MYBPHL: variants seen among roughly 807,000 people sequenced by gnomAD.
MYBPHL encodes the protein myosin-binding protein H-like.
In MYBPHL, 32 loss-of-function variants were observed where a neutral mutation model predicts 39.5. The observed-to-expected ratio is 0.81, with a 90% CI of 0.61 to 1.09. MYBPHL has a LOEUF of 1.09. MYBPHL is among the 50% of genes least tolerant of loss of function. MYBPHL has a pLI of 0.00. For missense variants in MYBPHL, 456 were observed against 460.2 expected (o/e 0.99, Z 0.08); for synonymous variants, 196 against 183.7 (o/e 1.07, Z -0.54).
intron 3 of MYBPHL, 81 bp downstream of exon 3, chr1:109,297,341 C>T (rs1010535645): frequency 2.9e-5 from 45 of 1,560,886 alleles, no homozygotes; most frequent in Non-Finnish European, 7.0e-6. Context: ...CGCAGCTTCC[C>T]CAGCTCTCTG....
In MYBPHL at chr1:109,297,637, C is replaced by T; in HGVS notation, c.235-20G>A. The T allele has an allele frequency of 2.5e-6, 4 of 1,604,588 alleles. No individual in the cohort carries two copies. The highest frequency in any genetic ancestry group is 3.4e-6 in the Non-Finnish European group (4 of 1,174,628). On this transcript the variant is annotated intron_variant, in intron 2 of 8. Transcript: ENST00000357155. ...CTTGCCCTGAGGAATGAGGGTAATG[C>T]TTTGAGCAGCCCCGAGAGGCTTCCT...
intron 8 of MYBPHL, 173 bp from the exon 9 acceptor site, chr1:109,292,761 G>A (rs2282292): frequency 8.5e-5 from 13 of 152,172 alleles, no homozygotes; most frequent in African/African-American, 3.1e-4. Context: ...ACCAGTGAGA[G>A]CCTTAAATAA....
chr1:109,305,728 A>C (rs1658444623), intron 1 of MYBPHL, among the ~76,000 whole-genome samples: 1 of 152,350 alleles, frequency 6.6e-6, no homozygotes, highest in East Asian at 1.9e-4. Flanking sequence ...TCTGCCCTTG[A>C]CATTCAAATA....
chr1:109,300,232 C>T (rs1226607310), intron 1 of MYBPHL, among the ~76,000 whole-genome samples: 5 of 152,204 alleles, frequency 3.3e-5, no homozygotes, highest in South Asian at 2.1e-4. Flanking sequence ...GCTGTGACGA[C>T]GTGCCTGGCA....
At chr1:109,303,518 C>T (rs926407729) in intron 1 of MYBPHL, among the ~76,000 whole-genome samples, 2 of 152,160 alleles carry the variant, frequency 1.3e-5, no homozygotes, top group African/African-American at 4.8e-5. Context: ...TTAATAGTGA[C>T]CACCACCTCC....
intron 1 of MYBPHL, among the ~76,000 whole-genome samples, chr1:109,299,576 G>A (rs959676225): frequency 2.0e-5 from 3 of 152,230 alleles, no homozygotes; most frequent in Non-Finnish European, 2.9e-5. Flanking sequence ...TCTCAAGGTC[G>A]CGAGACCTTT....
intron 1 of MYBPHL, among the ~76,000 whole-genome samples, chr1:109,305,787 C>G (rs1432528581): frequency 6.6e-6 from 1 of 152,252 alleles, no homozygotes; most frequent in Non-Finnish European, 1.5e-5. Flanking sequence ...CAGACAGAGT[C>G]TGCTGCACAA....
rs1477432046 is a variant in MYBPHL at position 109,298,199 on chromosome 1, C to G, written c.204G>C (p.Gly68=). 3.1e-6 allele frequency: 5 copies of G among 1,610,054 alleles called. No homozygotes were observed. The East Asian group carries it at 9.0e-5, about 29-fold the overall frequency. ...ATGGGATTAGTAGGTTCACTGTGTC[C>G]CCAACCTTCCGGATGTAGGTCTGCC... ...ALRQTYIRKV[G]DTVNLLIPFQ... Residue 68 remains glycine (G), a synonymous_variant, in exon 2 of 9, where the codon GGG becomes GGC. Coordinates refer to ENST00000357155, the MANE Select transcript of MYBPHL (RefSeq NM_001010985.3).
intron 6 of MYBPHL, 53 bp from the exon 7 acceptor site, chr1:109,295,350 T>C (rs1261730579): frequency 1.7e-5 from 26 of 1,525,472 alleles, no homozygotes; most frequent in Non-Finnish European, 2.3e-5. Flanking sequence ...TAAGAACCAA[T>C]AGTCTTTCTG....
chr1:109,299,946 C>T (rs1262896940), intron 1 of MYBPHL, among the ~76,000 whole-genome samples: 1 of 152,112 alleles, frequency 6.6e-6, no homozygotes, highest in Non-Finnish European at 1.5e-5. Context: ...TGAAGACGGG[C>T]GGATATGACT....
At chr1:109,294,122 G>C (rs1657969138) in intron 8 of MYBPHL, 84 bp downstream of exon 8, 1 of 925,284 alleles carries the variant, frequency 1.1e-6, no homozygotes, top group Non-Finnish European at 1.8e-6. Context: ...GAAAGGCTCA[G>C]GAATGCACCT....
intron 7 of MYBPHL, 24 bp from the exon 8 acceptor site, chr1:109,294,273 A>G: frequency 1.2e-6 from 2 of 1,607,272 alleles, no homozygotes; most frequent in Non-Finnish European, 1.7e-6. Flanking sequence ...GACATTTCTC[A>G]GTGTTAACAT....
At chr1:109,302,932 C>T (rs1157465854) in intron 1 of MYBPHL, among the ~76,000 whole-genome samples, 1 of 152,216 alleles carries the variant, frequency 6.6e-6, no homozygotes, top group East Asian at 1.9e-4. Flanking sequence ...GTGAGAATCA[C>T]ATCTGGTCCC....
chr1:109,296,357 C>G lies in MYBPHL; in HGVS notation c.744G>C (p.Lys248Asn). ...AGTCTCGTTGGGCAAACCCCTTGGT[C>G]TTGTAAACAGTAGCTGAGGGCACCA... Reference protein sequence around the residue: ...AHIQKAATVYKTKGFAQRDFS... With the variant: ...AHIQKAATVYNTKGFAQRDFS... Residue 248 changes from lysine (K) to asparagine (N), a missense_variant, in exon 6 of 9, where the codon AAG becomes AAC. Lys to Asn is a moderately conservative substitution (Grantham distance 94). Coordinates refer to ENST00000357155, the MANE Select transcript of MYBPHL (RefSeq NM_001010985.3). 2 of 1,613,892 alleles carry G rather than the reference C, an allele frequency of 1.2e-6. No homozygotes were observed. The highest frequency in any genetic ancestry group is 1.7e-5 in the Admixed American group (1 of 60,018).
chr1:109,302,635 G>A (rs1489180488), intron 1 of MYBPHL, among the ~76,000 whole-genome samples: 1 of 152,056 alleles, frequency 6.6e-6, no homozygotes, highest in Non-Finnish European at 1.5e-5. Flanking sequence ...TCCCCGTAGG[G>A]TCTCTCACAT....
At position 109,296,706 on chromosome 1, in the gene MYBPHL, T is replaced by G. The variant is rs1658078175; in HGVS notation, c.730+77A>C. 7.0e-6 allele frequency: 11 copies of G among 1,564,174 alleles called. No individual in the cohort carries two copies. The Admixed American group carries it at 1.9e-4, about 26-fold the overall frequency. ...CGCCTGCCTTGGCCTCCCAAAGTGC[T>G]GGAATTAGAGGCGTGAGCCACTGTG... On this transcript the variant is annotated intron_variant, in intron 5 of 8. Transcript: ENST00000357155.
chr1:109,292,932 TA>T (rs1344747703), intron 8 of MYBPHL: 1 of 152,216 alleles, frequency 6.6e-6, no homozygotes, highest in Non-Finnish European at 1.5e-5. Context: ...ACGGAAAATC[TA>T]AAAGAGCTGT....
At chr1:109,294,348 G>A (rs1276958912) in intron 7 of MYBPHL, 99 bp from the exon 8 acceptor site, 1 of 1,214,020 alleles carries the variant, frequency 8.2e-7, no homozygotes. Flanking sequence ...TCAGGTTCTT[G>A]GGGAGTCAAT....
chr1:109,303,142 T>C (rs1258254344), intron 1 of MYBPHL, among the ~76,000 whole-genome samples: 1 of 152,220 alleles, frequency 6.6e-6, no homozygotes, highest in Non-Finnish European at 1.5e-5. Context: ...GAGACCTGTT[T>C]CATTCACTAG....
Sources: allele counts gnomAD v4.1 joint callset (sites outside exome capture counted in the v4.1 genomes callset), GRCh38; gene constraint gnomAD v4.1.1; transcripts MANE v1.5; gene names NCBI Gene and HGNC (gene_info 2026-07-23, HGNC 2026-07-21).